Variants in GNG12 observed in about 807,000 individuals in gnomAD.
GNG12 encodes G protein subunit gamma 12, also known as guanine nucleotide-binding protein G(I)/G(S)/G(O) subunit gamma-12.
For synonymous variants in GNG12, 28 were observed against 29.7 expected (o/e 0.94, Z 0.19); for missense variants, 69 against 83.8 (o/e 0.82, Z 0.69).
intron 2 of GNG12, among the ~76,000 whole-genome samples, chr1:67,708,429 T>C (rs1439368582): frequency 6.6e-6 from 1 of 152,200 alleles, no homozygotes; most frequent in Non-Finnish European, 1.5e-5. Context: ...CTTTGACCTC[T>C]CCCTGGTCTC....
intron 2 of GNG12, among the ~76,000 whole-genome samples, chr1:67,733,801 C>T (rs938546243): frequency 9.2e-5 from 14 of 152,150 alleles, no homozygotes; most frequent in Non-Finnish European, 1.3e-4. Flanking sequence ...TGTTATCTGC[C>T]TGTTGCAGGA....
At chr1:67,803,155 G>A (rs780691351) in intron 1 of GNG12, among the ~76,000 whole-genome samples, 18 of 152,170 alleles carry the variant, frequency 1.2e-4, no homozygotes, top group Non-Finnish European at 1.9e-4. Context: ...GCCCTCCAAA[G>A]CTCAATCCTA....
intron 1 of GNG12, among the ~76,000 whole-genome samples, chr1:67,787,215 A>T (rs1174276768): frequency 6.6e-6 from 1 of 151,982 alleles, no homozygotes; most frequent in Admixed American, 6.6e-5. Context: ...TGGAATGATC[A>T]TAGAAGGCTT....
At chr1:67,785,540 G>T (rs1421957088) in intron 1 of GNG12, among the ~76,000 whole-genome samples, 1 of 152,042 alleles carries the variant, frequency 6.6e-6, no homozygotes, top group Non-Finnish European at 1.5e-5. Flanking sequence ...TATTTTAGTT[G>T]TATCTCCTAA....
intron 1 of GNG12, among the ~76,000 whole-genome samples, chr1:67,784,068 A>G (rs1261150702): frequency 1.3e-5 from 2 of 151,068 alleles, no homozygotes; most frequent in East Asian, 3.9e-4. Context: ...AACCAACCCA[A>G]ATGTCCAACA....
rs535452096 is a variant in GNG12, at chr1:67,751,032, T to C, written c.-27+26426A>G. On this transcript the variant is annotated intron_variant, in intron 2 of 3. Transcript: ENST00000370982. ...ATGAACTTTTGTTTTTCCTTTTACA[T>C]TAAAATATTTTTCACCAGTTTTTAA... Among the ~76,000 whole-genome samples, 3 of 152,310 alleles carry C rather than the reference T, an allele frequency of 2.0e-5. No individual in the cohort carries two copies. In the South Asian group the frequency reaches 6.2e-4, roughly 32 times the overall value.
intron 1 of GNG12, among the ~76,000 whole-genome samples, chr1:67,815,700 T>C (rs1471651796): frequency 2.0e-5 from 3 of 152,034 alleles, no homozygotes; most frequent in Non-Finnish European, 2.9e-5. Context: ...AGCCCAAAGG[T>C]AGGGCTCGGT....
chr1:67,752,936 T>C (rs1043229188), intron 2 of GNG12, among the ~76,000 whole-genome samples: 1 of 152,200 alleles, frequency 6.6e-6, no homozygotes, highest in African/African-American at 2.4e-5. Context: ...ATCTGACCTG[T>C]ATTATGGCTT....
At chr1:67,709,447 C>T (rs1345171046) in intron 2 of GNG12, among the ~76,000 whole-genome samples, 2 of 152,088 alleles carry the variant, frequency 1.3e-5, no homozygotes, top group Non-Finnish European at 2.9e-5. Flanking sequence ...GAGCCCAATG[C>T]AAAGACTAGT....
intron 2 of GNG12, among the ~76,000 whole-genome samples, chr1:67,733,074 C>T (rs1006104797): frequency 6.6e-6 from 1 of 152,202 alleles, no homozygotes; most frequent in South Asian, 2.1e-4. Flanking sequence ...CACTGCACAG[C>T]CCAGTTTAGT....
intron 2 of GNG12, among the ~76,000 whole-genome samples, chr1:67,735,827 A>G (rs1646449400): frequency 6.6e-6 from 1 of 152,204 alleles, no homozygotes; most frequent in Non-Finnish European, 1.5e-5. Flanking sequence ...ATATTATTCT[A>G]AAGAAGGAAA....
Position 67,702,775 on chromosome 1 carries a change from A to G in GNG12, c.*2676T>C, listed in dbSNP as rs752342867. 4.6e-5 allele frequency: 7 copies of G among 152,204 alleles called. No homozygotes were observed. The highest frequency in any genetic ancestry group is 5.9e-5 in the Non-Finnish European group (4 of 68,032). The allele number at this position is 152,204 out of a possible 1,614,324, so 9.4% of individuals were successfully genotyped here. On this transcript the variant is annotated 3_prime_UTR_variant, in exon 4 of 4. Coordinates refer to ENST00000370982, the MANE Select transcript of GNG12 (RefSeq NM_018841.6). ...TATGATGAACTAATGAAGATATAAG[A>G]ATGAAAAAAAGAAAGAGATCACTGT...
chr1:67,779,930 C>T (rs1055436971), intron 1 of GNG12, among the ~76,000 whole-genome samples: 1 of 152,122 alleles, frequency 6.6e-6, no homozygotes, highest in African/African-American at 2.4e-5. Flanking sequence ...GCAACTATAA[C>T]ACAATGCTAT....
intron 2 of GNG12, among the ~76,000 whole-genome samples, chr1:67,732,609 C>G (rs1240536301): frequency 6.6e-6 from 1 of 152,238 alleles, no homozygotes; most frequent in East Asian, 1.9e-4. Context: ...AATGTTCACA[C>G]TGCTTGTTTT....
intron 2 of GNG12, among the ~76,000 whole-genome samples, chr1:67,733,963 A>G (rs1557599832): frequency 6.6e-6 from 1 of 152,156 alleles, no homozygotes; most frequent in Non-Finnish European, 1.5e-5. Context: ...TGAGTGTGCA[A>G]TGCTTGAAGA....
chr1:67,721,619 T>A (rs1248574460), intron 2 of GNG12, among the ~76,000 whole-genome samples: 1 of 152,200 alleles, frequency 6.6e-6, no homozygotes, highest in Non-Finnish European at 1.5e-5. Context: ...TCCATATTCT[T>A]AGCATTATCC....
At chr1:67,815,662 AT>A (rs1296611846) in intron 1 of GNG12, among the ~76,000 whole-genome samples, 2 of 151,826 alleles carry the variant, frequency 1.3e-5, no homozygotes, top group Non-Finnish European at 2.9e-5. Flanking sequence ...TTTTCTGTTC[AT>A]TTTTTTCTTA....
At chr1:67,755,492 C>A (rs1451570520) in intron 2 of GNG12, among the ~76,000 whole-genome samples, 1 of 152,186 alleles carries the variant, frequency 6.6e-6, no homozygotes, top group Non-Finnish European at 1.5e-5. Context: ...GCTTGTCCTA[C>A]TCTTGAGATT....
chr1:67,793,617 T>C (rs1196097173), intron 1 of GNG12, among the ~76,000 whole-genome samples: 2 of 152,138 alleles, frequency 1.3e-5, no homozygotes, highest in African/African-American at 4.8e-5. Context: ...TCCACTGCAG[T>C]CTGCATCCCT....
Sources: gnomAD v4.1 joint callset for allele counts (sites outside exome capture counted in the v4.1 genomes callset) on GRCh38, gnomAD v4.1.1 for gene constraint, MANE v1.5 for transcripts, NCBI Gene and HGNC (gene_info 2026-07-23, HGNC 2026-07-21) for gene names.